MYO1D: variants seen among roughly 807,000 people sequenced by gnomAD.
The protein encoded by MYO1D is myosin ID.
A neutral mutation model predicts 122.0 loss-of-function variants in MYO1D; 83 were observed. The observed-to-expected ratio is 0.68, with a 90% confidence interval of 0.57 to 0.82. The LOEUF (loss-of-function observed/expected upper bound fraction) is 0.82, where lower values mean the gene tolerates loss of function less well. Among genes scored for constraint, MYO1D ranks in the 40% least tolerant of loss-of-function variants. The pLI is 0.00. For missense variants in MYO1D, 1,157 were observed against 1,269.5 expected (o/e 0.91, Z 1.35); for synonymous variants, 464 against 446.9 (o/e 1.04, Z -0.48).
intron 21 of MYO1D, among the ~76,000 whole-genome samples, chr17:32,563,083 T>C (rs1021032494): frequency 6.6e-6 from 1 of 152,158 alleles, no homozygotes; most frequent in Non-Finnish European, 1.5e-5. Context: ...TCGTATCTCA[T>C]TGTTTTGTTA....
chr17:32,710,127 C>CTT (rs1410684058), intron 16 of MYO1D, among the ~76,000 whole-genome samples: 1 of 151,894 alleles, frequency 6.6e-6, no homozygotes, highest in African/African-American at 2.4e-5. Flanking sequence ...GTTAATCAAC[C>CTT]TTAATAAAGA....
intron 21 of MYO1D, among the ~76,000 whole-genome samples, chr17:32,584,156 C>A (rs139630096): frequency 6.6e-5 from 10 of 152,220 alleles, no homozygotes; most frequent in African/African-American, 2.4e-4. Flanking sequence ...ACAAATACTA[C>A]CTATTTTTTA....
At chr17:32,830,309 C>T (rs2090759569) in intron 1 of MYO1D, 1 of 152,180 alleles carries the variant, frequency 6.6e-6, no homozygotes, top group African/African-American at 2.4e-5. Context: ...ACTGAGATAA[C>T]TCACTACCTT....
intron 19 of MYO1D, among the ~76,000 whole-genome samples, 197 bp from the exon 20 acceptor site, chr17:32,639,032 C>T (rs1354720243): frequency 6.6e-6 from 1 of 152,032 alleles, no homozygotes; most frequent in Non-Finnish European, 1.5e-5. Flanking sequence ...ACATGGAAAA[C>T]AAGAAAACCA....
At chr17:32,720,253 A>G (rs2089495002) in intron 15 of MYO1D, among the ~76,000 whole-genome samples, 1 of 152,174 alleles carries the variant, frequency 6.6e-6, no homozygotes, top group South Asian at 2.1e-4. Context: ...ATTAAGCAAC[A>G]TTATCAACAA....
chr17:32,713,443 T>C (rs1290288668), intron 15 of MYO1D, among the ~76,000 whole-genome samples: 1 of 152,214 alleles, frequency 6.6e-6, no homozygotes, highest in Non-Finnish European at 1.5e-5. Flanking sequence ...TACAAGTACA[T>C]TTTAATGTTT....
intron 21 of MYO1D, among the ~76,000 whole-genome samples, chr17:32,529,470 AG>A (rs1226573434): frequency 6.6e-6 from 1 of 152,214 alleles, no homozygotes; most frequent in Non-Finnish European, 1.5e-5. Context: ...AAGGGATGCT[AG>A]ACCCTTTTCT....
chr17:32,597,251 T>C (rs1340427861), intron 21 of MYO1D, among the ~76,000 whole-genome samples: 3 of 152,180 alleles, frequency 2.0e-5, no homozygotes, highest in African/African-American at 7.2e-5. Context: ...GCAGAAGGTT[T>C]AACCATGAAA....
intron 21 of MYO1D, among the ~76,000 whole-genome samples, chr17:32,502,762 G>C (rs573685989): frequency 2.0e-5 from 3 of 152,156 alleles, no homozygotes; most frequent in Non-Finnish European, 4.4e-5. Context: ...CTTCTTTCTT[G>C]TTTGAACTTC....
In MYO1D at chr17:32,809,541, C is replaced by T. The variant is rs183393394; in HGVS notation, c.96-28757G>A. ...GCAGCCTCCACTTGCTGGGTTCACA[C>T]GATTCTCACACCTCAGCTTCCCATA... is the stretch of plus-strand genomic sequence containing the variant. On this transcript the variant is annotated intron_variant, in intron 1 of 21. Transcript: ENST00000318217. 2.8e-3 allele frequency among the ~76,000 whole-genome samples: 425 copies of T among 151,766 alleles called. 4 individuals carry two copies. The highest frequency in any genetic ancestry group is 8.8e-3 in the African/African-American group (363 of 41,404).
rs547905762 is a variant in MYO1D at position 32,642,508 on chromosome 17, A to C, written c.2596-3673T>G. 3.2e-4 allele frequency among the ~76,000 whole-genome samples: 48 copies of C among 152,286 alleles called. 1 individual carries two copies. Among genetic ancestry groups the C allele is most frequent in the Middle Eastern group, 6.8e-3 (2 of 294 alleles). On this transcript the variant is annotated intron_variant, in intron 19 of 21. Coordinates refer to ENST00000318217, the MANE Select transcript of MYO1D (RefSeq NM_015194.3). ...TTGATGGGGATGGCACTGAATCTATAAATTACCTTGGGCAGTATGGCCATT... is the reference window on the plus strand; with the variant it reads ...TTGATGGGGATGGCACTGAATCTATCAATTACCTTGGGCAGTATGGCCATT...
chr17:32,566,174 T>G (rs1177380190), intron 21 of MYO1D, among the ~76,000 whole-genome samples: 1 of 149,072 alleles, frequency 6.7e-6, no homozygotes, highest in Non-Finnish European at 1.5e-5. Context: ...TATAACCCCC[T>G]GAAAGTGACA....
chr17:32,854,168 C>T (rs1432998723), intron 1 of MYO1D, among the ~76,000 whole-genome samples: 6 of 152,296 alleles, frequency 3.9e-5, no homozygotes, highest in South Asian at 2.1e-4. Context: ...TTTCACTCCA[C>T]GGAAAGTTTC....
At chr17:32,596,278 T>C (rs1411672719) in intron 21 of MYO1D, among the ~76,000 whole-genome samples, 3 of 152,192 alleles carry the variant, frequency 2.0e-5, no homozygotes, top group Non-Finnish European at 2.9e-5. Flanking sequence ...TCTGGGAACA[T>C]AGATCAAAGG....
intron 21 of MYO1D, among the ~76,000 whole-genome samples, chr17:32,571,533 A>G (rs1358168442): frequency 6.6e-6 from 1 of 152,218 alleles, no homozygotes; most frequent in African/African-American, 2.4e-5. Context: ...TCCAGAAGGT[A>G]GCAGAGGACC....
chr17:32,629,006 C>T (rs321160), intron 20 of MYO1D, among the ~76,000 whole-genome samples: 52,100 of 151,978 alleles, frequency 0.34, 9,251 homozygotes, highest in South Asian at 0.47. Flanking sequence ...AAACAAATTA[C>T]GGCACCTCCA....
chr17:32,541,218 G>A (rs1910829723), intron 21 of MYO1D, among the ~76,000 whole-genome samples: 1 of 152,152 alleles, frequency 6.6e-6, no homozygotes, highest in African/African-American at 2.4e-5. Flanking sequence ...AATACAATGT[G>A]GTCTATCTAT....
intron 21 of MYO1D, among the ~76,000 whole-genome samples, chr17:32,597,321 C>T (rs1000579277): frequency 6.6e-6 from 1 of 152,152 alleles, no homozygotes; most frequent in African/African-American, 2.4e-5. Flanking sequence ...AGTTCCCTCT[C>T]TAGAGACAAA....
rs542578203 is a variant in MYO1D, at chr17:32,687,399, A to G, written c.2121+24589T>C. The stretch of plus-strand genomic sequence containing the variant: ...TTTTCAGTGGAGACAGGGTTTCACC[A>G]TGTTAGCCAGGATGGTCTCGATCTC... On this transcript the variant is annotated intron_variant, in intron 16 of 21. Transcript: ENST00000318217. 4.6e-5 allele frequency among the ~76,000 whole-genome samples: 7 copies of G among 152,208 alleles called. No individual in the cohort carries two copies. The South Asian group carries it at 8.3e-4, about 18-fold the overall frequency.
Sources: allele counts gnomAD v4.1 joint callset (sites outside exome capture counted in the v4.1 genomes callset), GRCh38; gene constraint gnomAD v4.1.1; transcripts MANE v1.5; gene names NCBI Gene and HGNC (gene_info 2026-07-23, HGNC 2026-07-21).